Variants in TRIM44 observed in about 807,000 individuals in gnomAD.
TRIM44 encodes the protein tripartite motif-containing protein 44.
TRIM44 carries 13 observed loss-of-function variants against 37.4 expected under a neutral mutation model. The ratio of observed to expected loss-of-function variants is 0.35; its 90% confidence interval spans 0.23 to 0.55. The LOEUF (loss-of-function observed/expected upper bound fraction) is 0.55, where lower values mean the gene tolerates loss of function less well. TRIM44 is among the 20% of genes least tolerant of loss of function. TRIM44 has a pLI of 0.89. For missense variants in TRIM44, 426 were observed against 437.2 expected, an observed-to-expected ratio of 0.97 and a Z score of 0.23; for synonymous variants, 175 against 157.2, an observed-to-expected ratio of 1.11 and a Z score of -0.85.
At chr11:35,692,220 C>G (rs1851644419) in intron 2 of TRIM44, among the ~76,000 whole-genome samples, 1 of 152,014 alleles carries the variant, frequency 6.6e-6, no homozygotes, top group Non-Finnish European at 1.5e-5. Flanking sequence ...ATTCTTGAGC[C>G]TCACTCAAAG....
At chr11:35,767,703 A>T (rs1852816389) in intron 4 of TRIM44, among the ~76,000 whole-genome samples, 3 of 152,208 alleles carry the variant, frequency 2.0e-5, no homozygotes, top group South Asian at 4.1e-4. Context: ...AGTTATACAG[A>T]CACGAATTCA....
intron 4 of TRIM44, among the ~76,000 whole-genome samples, chr11:35,796,214 C>CTGTG (rs543400596): frequency 1.3e-5 from 2 of 152,016 alleles, no homozygotes; most frequent in African/African-American, 4.8e-5. Flanking sequence ...GAACTGTTTT[C>CTGTG]TGTGTGTGTG....
intron 2 of TRIM44, among the ~76,000 whole-genome samples, chr11:35,707,543 T>C (rs1335459039): frequency 6.6e-6 from 1 of 151,846 alleles, no homozygotes; most frequent in Non-Finnish European, 1.5e-5. Context: ...CAAAACAGCA[T>C]GGTACTGGTA....
At chr11:35,782,814 G>A (rs1853082804) in intron 4 of TRIM44, among the ~76,000 whole-genome samples, 1 of 152,188 alleles carries the variant, frequency 6.6e-6, no homozygotes, top group South Asian at 2.1e-4. Flanking sequence ...CTCCGGAGTA[G>A]AAGTTAGCAA....
At chr11:35,753,402 G>C (rs1013621734) in intron 4 of TRIM44, among the ~76,000 whole-genome samples, 1 of 152,170 alleles carries the variant, frequency 6.6e-6, no homozygotes, top group Non-Finnish European at 1.5e-5. Flanking sequence ...TACTCTGCCA[G>C]TGTTAGAATC....
rs531711399 is a variant in TRIM44 at position 35,726,273 on chromosome 11, A to G, written c.987+110A>G. On this transcript the variant is annotated intron_variant, in intron 3 of 4. Coordinates refer to ENST00000299413, the MANE Select transcript of TRIM44 (RefSeq NM_017583.6). ...AACGTGAATGAATTGAAGTCTAGGT[A>G]GAGTATAAGTGTTTCACATGGTGTA... 124 of 1,399,214 alleles carry G rather than the reference A, an allele frequency of 8.9e-5. No individual in the cohort carries two copies. In the African/African-American group the frequency reaches 1.6e-3, roughly 18 times the overall value. The allele number at this position is 1,399,214 out of a possible 1,614,324, so 86.7% of individuals were successfully genotyped here.
intron 2 of TRIM44, among the ~76,000 whole-genome samples, chr11:35,703,948 G>A (rs1027253418): frequency 7.9e-5 from 12 of 152,142 alleles, no homozygotes; most frequent in Admixed American, 5.2e-4. Flanking sequence ...GGCTTCAGAC[G>A]ATCAAACTAC....
chr11:35,706,134 C>T (rs1468771085), intron 2 of TRIM44, among the ~76,000 whole-genome samples: 2 of 149,032 alleles, frequency 1.3e-5, no homozygotes. Flanking sequence ...CTACAAACAC[C>T]TCTACGCAAA....
At chr11:35,774,702 C>T (rs1386298953) in intron 4 of TRIM44, among the ~76,000 whole-genome samples, 1 of 152,192 alleles carries the variant, frequency 6.6e-6, no homozygotes, top group Non-Finnish European at 1.5e-5. Flanking sequence ...CTAGTTTTCC[C>T]AGCACCATTT....
intron 3 of TRIM44, among the ~76,000 whole-genome samples, chr11:35,728,133 C>G (rs1039761649): frequency 2.6e-5 from 4 of 152,194 alleles, no homozygotes; most frequent in African/African-American, 9.6e-5. Context: ...TAAGCCTGCC[C>G]TGGCCAACAT....
chr11:35,784,268 T>C (rs1027722586), intron 4 of TRIM44, among the ~76,000 whole-genome samples: 2 of 152,210 alleles, frequency 1.3e-5, no homozygotes, highest in African/African-American at 2.4e-5. Context: ...TGATATACTT[T>C]CAGATACATC....
chr11:35,751,041 G>A lies in TRIM44; in HGVS notation c.1007+15596G>A, dbSNP rs192991339. On this transcript the variant is annotated intron_variant, in intron 4 of 4. Coordinates refer to ENST00000299413, the MANE Select transcript of TRIM44 (RefSeq NM_017583.6). ...TAATGTGATTTTTTTCCTATTTTTA[G>A]TAATAACAACGCAGTGGTACCACTG... Among the ~76,000 whole-genome samples, 281 of 151,568 alleles carry A rather than the reference G, an allele frequency of 1.9e-3. 2 individuals carry two copies. The highest frequency in any genetic ancestry group is 6.5e-3 in the African/African-American group (270 of 41,298).
At chr11:35,729,063 C>T (rs1459863825) in intron 3 of TRIM44, among the ~76,000 whole-genome samples, 12 of 152,008 alleles carry the variant, frequency 7.9e-5, no homozygotes, top group Admixed American at 7.9e-4. Context: ...TGATCAGGGA[C>T]CTTGGGATTT....
At chr11:35,783,875 A>G (rs770413262) in intron 4 of TRIM44, among the ~76,000 whole-genome samples, 146 of 152,290 alleles carry the variant, frequency 9.6e-4, no homozygotes, top group Non-Finnish European at 1.1e-3. Flanking sequence ...GGAAAGCCCT[A>G]CTGATTGAGG....
intron 2 of TRIM44, among the ~76,000 whole-genome samples, chr11:35,704,130 C>A (rs867352067): frequency 1.3e-4 from 19 of 151,972 alleles, no homozygotes; most frequent in African/African-American, 4.3e-4. Flanking sequence ...CCTCAGGAGC[C>A]GATGCGATCA....
At chr11:35,718,847 C>T (rs1377629700) in intron 2 of TRIM44, among the ~76,000 whole-genome samples, 1 of 151,030 alleles carries the variant, frequency 6.6e-6, no homozygotes, top group Non-Finnish European at 1.5e-5. Flanking sequence ...GTAATATACA[C>T]TTAAGATTCT....
chr11:35,716,904 A>G (rs765783409), intron 2 of TRIM44, among the ~76,000 whole-genome samples: 28 of 152,318 alleles, frequency 1.8e-4, no homozygotes, highest in Non-Finnish European at 3.4e-4. Flanking sequence ...GTAAATGGGT[A>G]TAATAATACT....
chr11:35,757,341 T>C (rs1186183023), intron 4 of TRIM44, among the ~76,000 whole-genome samples: 1 of 152,228 alleles, frequency 6.6e-6, no homozygotes, highest in African/African-American at 2.4e-5. Flanking sequence ...GTGGGATCTG[T>C]GGTGATATCC....
At chr11:35,804,290 A>G (rs1361222430) in intron 4 of TRIM44, among the ~76,000 whole-genome samples, 1 of 152,178 alleles carries the variant, frequency 6.6e-6, no homozygotes, top group African/African-American at 2.4e-5. Context: ...TCCCCAAGCC[A>G]CTCTCCAAAT....
Sources: allele counts gnomAD v4.1 joint callset (sites outside exome capture counted in the v4.1 genomes callset), GRCh38; gene constraint gnomAD v4.1.1; transcripts MANE v1.5; gene names NCBI Gene and HGNC (gene_info 2026-07-23, HGNC 2026-07-21).